Variants in PRELID2 observed in about 807,000 individuals in gnomAD.
PRELID2 encodes PRELI domain-containing protein 2.
PRELID2 carries 25 observed loss-of-function variants against 28.4 expected under a neutral mutation model. The observed-to-expected ratio is 0.88, with a 90% CI of 0.64 to 1.23. The LOEUF (loss-of-function observed/expected upper bound fraction) is 1.23. Ranked by LOEUF, PRELID2 falls within the 50% of genes most tolerant of loss-of-function variation. The probability of loss-of-function intolerance (pLI) is 0.00; values close to 1 mark genes in which losing one functional copy is unlikely to be tolerated. For synonymous variants in PRELID2, 76 were observed against 71.6 expected, an observed-to-expected ratio of 1.06 and a Z score of -0.31; for missense variants, 201 against 214.4, an observed-to-expected ratio of 0.94 and a Z score of 0.39.
At chr5:145,726,813 C>G (rs1213389704) in intron 1 of PRELID2, among the ~76,000 whole-genome samples, 1 of 152,222 alleles carries the variant, frequency 6.6e-6, no homozygotes, top group Non-Finnish European at 1.5e-5. Flanking sequence ...ACTTTTCACA[C>G]TTTGAACTTT....
At chr5:145,686,319 C>G (rs1755037894) in intron 1 of PRELID2, among the ~76,000 whole-genome samples, 1 of 152,066 alleles carries the variant, frequency 6.6e-6, no homozygotes, top group African/African-American at 2.4e-5. Flanking sequence ...GGGGGATTTT[C>G]AATAACTAAA....
the PRELID2 span, among the ~76,000 whole-genome samples, chr5:145,409,956 A>G: frequency 1.3e-5 from 2 of 152,216 alleles, no homozygotes; most frequent in Non-Finnish European, 2.9e-5. Context: ...CTGGTATAAA[A>G]GTAGGCACAT....
At chr5:145,448,927 T>C in the PRELID2 span, among the ~76,000 whole-genome samples, 3 of 152,092 alleles carry the variant, frequency 2.0e-5, no homozygotes, top group Non-Finnish European at 4.4e-5. Context: ...CAGTTGCAAG[T>C]GACAGAAAAC....
At chr5:145,549,073 A>T (rs1218192862) in intron 1 of PRELID2, among the ~76,000 whole-genome samples, 1 of 152,134 alleles carries the variant, frequency 6.6e-6, no homozygotes, top group African/African-American at 2.4e-5. Flanking sequence ...CCTAATGCTC[A>T]TCTTCTCCAG....
At chr5:145,377,561 A>T in the PRELID2 span, among the ~76,000 whole-genome samples, 1 of 152,142 alleles carries the variant, frequency 6.6e-6, no homozygotes, top group Non-Finnish European at 1.5e-5. Flanking sequence ...TGTTGGTTGC[A>T]TATATATTTA....
In PRELID2 at chr5:145,605,808, T is replaced by G. The variant is rs142367624; in HGVS notation, n.71-132493A>C. ...GAATGATGAATACAATTGAAGAATG[T>G]CATTGATAGTTTAATAGCAATAGCA... is the stretch of plus-strand genomic sequence containing the variant. On this transcript the variant is annotated intron_variant and non_coding_transcript_variant, in intron 1 of 2. Coordinates refer to the PRELID2 transcript ENST00000510259. Among the ~76,000 whole-genome samples the G allele has an allele frequency of 2.0e-3, 297 of 152,144 alleles. 1 individual carries two copies. The highest frequency in any genetic ancestry group is 6.8e-3 in the African/African-American group (281 of 41,572).
the PRELID2 span, among the ~76,000 whole-genome samples, chr5:145,235,523 A>G: frequency 6.6e-6 from 1 of 152,160 alleles, no homozygotes; most frequent in African/African-American, 2.4e-5. Flanking sequence ...TTGGCACTCA[A>G]ATCGTCCCTG....
intron 1 of PRELID2, among the ~76,000 whole-genome samples, chr5:145,648,463 C>A (rs1467986111): frequency 1.3e-5 from 2 of 151,400 alleles, no homozygotes; most frequent in African/African-American, 2.4e-5. Context: ...TAATAGTTAT[C>A]TTTGGTGAGG....
chr5:145,777,555 CA>C (rs1758488642), intron 5 of PRELID2, among the ~76,000 whole-genome samples: 1 of 152,212 alleles, frequency 6.6e-6, no homozygotes, highest in Admixed American at 6.5e-5. Flanking sequence ...ATGATGGCAG[CA>C]GCTGCTCCAA....
intron 1 of PRELID2, among the ~76,000 whole-genome samples, chr5:145,673,544 A>G (rs988332905): frequency 1.3e-5 from 2 of 152,172 alleles, no homozygotes; most frequent in Non-Finnish European, 2.9e-5. Flanking sequence ...TTATTGATGT[A>G]CACACACCCC....
intron 1 of PRELID2, among the ~76,000 whole-genome samples, chr5:145,481,561 T>C (rs1457621897): frequency 7.3e-6 from 1 of 137,004 alleles, no homozygotes; most frequent in Non-Finnish European, 1.5e-5. Flanking sequence ...TCCCTCAACC[T>C]GTTAAGTCCA....
intron 1 of PRELID2, among the ~76,000 whole-genome samples, chr5:145,680,807 G>GAA (rs1043874463): frequency 6.1e-5 from 9 of 147,868 alleles, no homozygotes; most frequent in African/African-American, 2.2e-4. Flanking sequence ...GGCCAGAAGG[G>GAA]AAAAAAAAAA....
the PRELID2 span, among the ~76,000 whole-genome samples, chr5:145,431,403 G>A: frequency 2.0e-5 from 3 of 152,100 alleles, no homozygotes; most frequent in Admixed American, 6.6e-5. Context: ...CTGAAAGTTT[G>A]ATGATAAACT....
At chr5:145,627,404 A>G (rs1317953644) in intron 1 of PRELID2, among the ~76,000 whole-genome samples, 5 of 152,144 alleles carry the variant, frequency 3.3e-5, no homozygotes, top group African/African-American at 1.2e-4. Flanking sequence ...TACCCTATTC[A>G]GATGATGGGT....
chr5:145,428,559 G>A, the PRELID2 span, among the ~76,000 whole-genome samples: 1 of 152,244 alleles, frequency 6.6e-6, no homozygotes, highest in Admixed American at 6.5e-5. Flanking sequence ...GGTGGGGGCA[G>A]GGAGGAGGAG....
the PRELID2 span, among the ~76,000 whole-genome samples, chr5:145,310,304 G>C: frequency 6.6e-6 from 1 of 152,132 alleles, no homozygotes; most frequent in Non-Finnish European, 1.5e-5. Context: ...GATTATCTTA[G>C]TCTGCTAGAC....
the PRELID2 span, among the ~76,000 whole-genome samples, chr5:145,288,826 T>C: frequency 2.6e-5 from 4 of 152,292 alleles, no homozygotes; most frequent in Middle Eastern, 0.01. Flanking sequence ...TGTATGTCTA[T>C]AACTTCTTAC....
At chr5:145,825,741 C>T (rs183687484) in intron 1 of PRELID2, among the ~76,000 whole-genome samples, 90 of 152,212 alleles carry the variant, frequency 5.9e-4, no homozygotes, top group Non-Finnish European at 2.2e-4. Flanking sequence ...CCTCAAGTTT[C>T]CATAGAAGAA....
At chr5:145,781,371 A>C (rs141579530) in intron 5 of PRELID2, among the ~76,000 whole-genome samples, 2 of 152,248 alleles carry the variant, frequency 1.3e-5, no homozygotes, top group Non-Finnish European at 2.9e-5. Flanking sequence ...TTAGTCCCTC[A>C]GCTGATATGT....
Sources: allele counts gnomAD v4.1 joint callset (sites outside exome capture counted in the v4.1 genomes callset), GRCh38; gene constraint gnomAD v4.1.1; transcripts MANE v1.5; gene names NCBI Gene and HGNC (gene_info 2026-07-23, HGNC 2026-07-21).